The following TRAPPC9 variants were observed in gnomAD, a reference collection of about 807,000 sequenced individuals.
TRAPPC9 encodes IKK2 binding protein.
Under a neutral mutation model 124.0 loss-of-function variants are expected in TRAPPC9, and 83 were observed. The observed-to-expected ratio is 0.67, with a 90% CI of 0.56 to 0.80. TRAPPC9 has a LOEUF of 0.80. TRAPPC9 is among the 30% of genes least tolerant of loss of function. The probability of loss-of-function intolerance (pLI) is 0.00; values close to 1 mark genes in which losing one functional copy is unlikely to be tolerated. For synonymous variants in TRAPPC9, 638 were observed against 617.5 expected (o/e 1.03, Z -0.49); for missense variants, 1,302 against 1,508.3 (o/e 0.86, Z 2.27).
Position 140,371,053 on chromosome 8 carries a change from G to A in TRAPPC9, c.1262C>T (p.Ala421Val), listed in dbSNP as rs377644857. The A allele has an allele frequency of 2.7e-5, 43 of 1,614,128 alleles. No homozygotes were observed. The highest frequency in any genetic ancestry group is 1.6e-4 in the Middle Eastern group (1 of 6,084). ...GTAGCAGGCCCTCCACCCAGGCTCCGCGATGCTTGGGGCCACGCACTGCAT... is the reference window on the plus strand; with the variant it reads ...GTAGCAGGCCCTCCACCCAGGCTCCACGATGCTTGGGGCCACGCACTGCAT... ...AAMQCVAPSI[A>V]EPGWRACYKL... The change falls in exon 8 of 23, where the codon GCG becomes GTG. Residue 421 changes from alanine (A) to valine (V), a missense_variant. By Grantham distance (64) the Ala-to-Val change is moderately conservative. Around this residue, in one of 3 missense-constraint regions of TRAPPC9, gnomAD observed 657 missense variants for 811.2 expected, o/e 0.81. Coordinates refer to ENST00000438773, the MANE Select transcript of TRAPPC9 (RefSeq NM_001160372.4).
intron 21 of TRAPPC9, among the ~76,000 whole-genome samples, chr8:139,759,027 C>T (rs373894338): frequency 5.9e-5 from 9 of 152,322 alleles, no homozygotes; most frequent in East Asian, 3.9e-4. Flanking sequence ...CTTTCTGGTC[C>T]GCCTCAGCAT....
At chr8:140,391,897 G>A (rs2068935806) in intron 7 of TRAPPC9, among the ~76,000 whole-genome samples, 2 of 151,500 alleles carry the variant, frequency 1.3e-5, no homozygotes, top group South Asian at 4.2e-4. Context: ...TGTGGTGCGG[G>A]CACCTGTAAT....
chr8:140,006,250 G>C (rs1030858097), intron 18 of TRAPPC9, among the ~76,000 whole-genome samples: 2 of 152,032 alleles, frequency 1.3e-5, no homozygotes, highest in Non-Finnish European at 2.9e-5. Flanking sequence ...AAGGATAACT[G>C]TTTCTAATTT....
chr8:139,990,940 T>G (rs1303121286), intron 18 of TRAPPC9, among the ~76,000 whole-genome samples: 2 of 152,094 alleles, frequency 1.3e-5, no homozygotes, highest in African/African-American at 4.8e-5. Context: ...CCGCACACCT[T>G]GAGATGACAG....
At position 139,792,812 on chromosome 8, in the gene TRAPPC9, A is replaced by C. The variant is rs141493117; in HGVS notation, c.3056-60610T>G. ...GGAGCAATAGTGCTGCTATCTAGTC[A>C]GACTTTACATCCTACTCGTGCAGGG... On this transcript the variant is annotated intron_variant, in intron 21 of 22. Transcript: ENST00000438773. Among the ~76,000 whole-genome samples, 1,073 of 152,372 alleles carry C rather than the reference A, an allele frequency of 7.0e-3. 14 individuals carry two copies. The highest frequency in any genetic ancestry group is 0.024 in the African/African-American group (1,003 of 41,578).
chr8:140,183,366 G>A (rs756222809), intron 17 of TRAPPC9, among the ~76,000 whole-genome samples: 3 of 152,206 alleles, frequency 2.0e-5, no homozygotes, highest in Non-Finnish European at 4.4e-5. Flanking sequence ...GGAAAGAGGA[G>A]AGACCATCAA....
intron 21 of TRAPPC9, among the ~76,000 whole-genome samples, chr8:139,867,072 G>A (rs1828594856): frequency 6.6e-6 from 1 of 152,154 alleles, no homozygotes; most frequent in African/African-American, 2.4e-5. Flanking sequence ...AACCTCAAGT[G>A]ATCCGCCCGC....
At chr8:139,828,026 C>A (rs141493114) in intron 21 of TRAPPC9, among the ~76,000 whole-genome samples, 4 of 152,296 alleles carry the variant, frequency 2.6e-5, no homozygotes, top group African/African-American at 4.8e-5. Flanking sequence ...GAGGAATCCA[C>A]CCCCACGATC....
chr8:140,316,574 C>G (rs570767947), intron 9 of TRAPPC9, among the ~76,000 whole-genome samples: 1 of 152,154 alleles, frequency 6.6e-6, no homozygotes, highest in East Asian at 1.9e-4. Context: ...CAACCATGTT[C>G]GCATCCCTGG....
chr8:139,744,142 A>T (rs1372924505), intron 21 of TRAPPC9, among the ~76,000 whole-genome samples: 1 of 152,236 alleles, frequency 6.6e-6, no homozygotes, highest in East Asian at 1.9e-4. Flanking sequence ...AACTATGCCA[A>T]TATGGTTTCC....
chr8:139,975,566 C>G (rs1836383906), intron 19 of TRAPPC9, among the ~76,000 whole-genome samples: 1 of 152,208 alleles, frequency 6.6e-6, no homozygotes. Context: ...GCATCCTCTT[C>G]AAAAACCTAC....
intron 19 of TRAPPC9, among the ~76,000 whole-genome samples, chr8:139,968,716 C>T (rs1198708051): frequency 6.6e-6 from 1 of 152,194 alleles, no homozygotes; most frequent in African/African-American, 2.4e-5. Flanking sequence ...ACAGGCACTA[C>T]ACCAGGTGCA....
At chr8:139,836,287 C>T (rs997562883) in intron 21 of TRAPPC9, among the ~76,000 whole-genome samples, 2 of 152,170 alleles carry the variant, frequency 1.3e-5, no homozygotes, top group Admixed American at 1.3e-4. Flanking sequence ...GGGTTACAGG[C>T]GTGAGCCACC....
chr8:139,976,619 A>G (rs1836490999), intron 19 of TRAPPC9, among the ~76,000 whole-genome samples: 1 of 152,222 alleles, frequency 6.6e-6, no homozygotes, highest in Non-Finnish European at 1.5e-5. Context: ...CCTCACCACA[A>G]GGGATCTGCG....
At chr8:140,417,616 G>A (rs1303972380) in intron 5 of TRAPPC9, among the ~76,000 whole-genome samples, 1 of 152,214 alleles carries the variant, frequency 6.6e-6, no homozygotes, top group African/African-American at 2.4e-5. Flanking sequence ...GTTGGTGGGA[G>A]TGTAAATTAG....
chr8:139,994,833 A>C (rs973966777), intron 18 of TRAPPC9, among the ~76,000 whole-genome samples: 3 of 152,128 alleles, frequency 2.0e-5, no homozygotes, highest in African/African-American at 7.2e-5. Flanking sequence ...CGTAAGGCAC[A>C]GTGTGATCAA....
At chr8:140,455,535 A>G (rs2071624971) in intron 1 of TRAPPC9, among the ~76,000 whole-genome samples, 2 of 151,952 alleles carry the variant, frequency 1.3e-5, no homozygotes, top group African/African-American at 4.8e-5. Context: ...GGTTCAAGGG[A>G]TTCTACTGCC....
intron 17 of TRAPPC9, among the ~76,000 whole-genome samples, chr8:140,115,800 C>T (rs1003605515): frequency 1.1e-4 from 16 of 152,068 alleles, no homozygotes; most frequent in South Asian, 2.1e-4. Context: ...TTACGGGCTA[C>T]GGGTCACTGA....
chr8:140,115,577 A>C (rs1337761658), intron 17 of TRAPPC9, among the ~76,000 whole-genome samples: 1 of 151,672 alleles, frequency 6.6e-6, no homozygotes, highest in Non-Finnish European at 1.5e-5. Flanking sequence ...ATTATACTCT[A>C]TTTTTTTGGT....
Sources: gnomAD v4.1 joint callset for allele counts (sites outside exome capture counted in the v4.1 genomes callset) on GRCh38, gnomAD v4.1.1 for gene constraint, gnomAD v4.1.1 regional missense constraint, MANE v1.5 for transcripts, NCBI Gene and HGNC (gene_info 2026-07-23, HGNC 2026-07-21) for gene names.